Variants in STXBP5L observed in about 807,000 individuals in gnomAD.
STXBP5L encodes the protein syntaxin-binding protein 5-like.
A neutral mutation model predicts 144.5 loss-of-function variants in STXBP5L; 65 were observed. That is an observed-to-expected ratio of 0.45 (90% CI 0.37 to 0.55). The LOEUF (loss-of-function observed/expected upper bound fraction) is 0.55, where lower values mean the gene tolerates loss of function less well. Ranked by LOEUF, STXBP5L falls within the 20% of genes least tolerant of loss-of-function variation. The pLI, the probability that STXBP5L is intolerant of heterozygous loss-of-function variation, is 0.00. For missense variants in STXBP5L, 1,298 were observed against 1,405.5 expected, an observed-to-expected ratio of 0.92 and a Z score of 1.22; for synonymous variants, 505 against 469.6, an observed-to-expected ratio of 1.08 and a Z score of -0.97.
chr3:121,048,650 T>C (rs1021418948), intron 5 of STXBP5L, among the ~76,000 whole-genome samples: 5 of 152,138 alleles, frequency 3.3e-5, no homozygotes, highest in Non-Finnish European at 5.9e-5. Flanking sequence ...TATGAAATTC[T>C]TGTAGTGTGT....
At chr3:121,114,159 G>A (rs2044132943) in intron 5 of STXBP5L, among the ~76,000 whole-genome samples, 2 of 152,054 alleles carry the variant, frequency 1.3e-5, no homozygotes. Flanking sequence ...TGTGAATAGA[G>A]GACTCTGGTA....
At chr3:121,211,671 G>C (rs975276729) in intron 10 of STXBP5L, among the ~76,000 whole-genome samples, 6 of 140,944 alleles carry the variant, frequency 4.3e-5, no homozygotes, top group Non-Finnish European at 9.0e-5. Context: ...CTCTGCCTCC[G>C]GGGTTCAAGC....
At chr3:121,005,680 T>C (rs1277706539) in intron 3 of STXBP5L, among the ~76,000 whole-genome samples, 1 of 152,238 alleles carries the variant, frequency 6.6e-6, no homozygotes. Flanking sequence ...CTTTCTCTTG[T>C]GGGCGTTTAG....
chr3:121,255,183 C>A, intron 16 of STXBP5L, 71 bp downstream of exon 16: 1 of 1,198,494 alleles, frequency 8.3e-7, no homozygotes, highest in Non-Finnish European at 1.1e-6. Context: ...GATTTGACTA[C>A]TACTTGGTAT....
chr3:121,059,637 C>G (rs2041160978), intron 5 of STXBP5L, among the ~76,000 whole-genome samples: 1 of 152,092 alleles, frequency 6.6e-6, no homozygotes, highest in Non-Finnish European at 1.5e-5. Flanking sequence ...TGTTTGTGTC[C>G]TCTCTTATTT....
chr3:121,389,667 T>G (rs2046525379), intron 22 of STXBP5L, among the ~76,000 whole-genome samples: 1 of 152,212 alleles, frequency 6.6e-6, no homozygotes, highest in African/African-American at 2.4e-5. Context: ...AGGAGCAAGT[T>G]GTTCAGTTTC....
At chr3:121,051,684 A>G (rs1267186991) in intron 5 of STXBP5L, among the ~76,000 whole-genome samples, 1 of 152,202 alleles carries the variant, frequency 6.6e-6, no homozygotes, top group Non-Finnish European at 1.5e-5. Context: ...GAACTAGAGA[A>G]GCAAGAGGAA....
chr3:121,117,191 A>T (rs1167704384), intron 6 of STXBP5L, among the ~76,000 whole-genome samples: 1 of 150,356 alleles, frequency 6.7e-6, no homozygotes, highest in Non-Finnish European at 1.5e-5. Flanking sequence ...GGAGAAATTA[A>T]AGAGCTAAAA....
At chr3:121,285,625 G>A (rs2051206019) in intron 19 of STXBP5L, among the ~76,000 whole-genome samples, 1 of 152,020 alleles carries the variant, frequency 6.6e-6, no homozygotes, top group African/African-American at 2.4e-5. Flanking sequence ...AAACTTTCGT[G>A]TTCTACAGAT....
chr3:121,004,896 G>T (rs1944136332), intron 3 of STXBP5L, among the ~76,000 whole-genome samples: 1 of 152,180 alleles, frequency 6.6e-6, no homozygotes, highest in African/African-American at 2.4e-5. Context: ...TCCCAGGGAT[G>T]AAGCCCACTT....
intron 2 of STXBP5L, among the ~76,000 whole-genome samples, chr3:120,951,054 A>G (rs1401131787): frequency 6.6e-6 from 1 of 152,180 alleles, no homozygotes; most frequent in Non-Finnish European, 1.5e-5. Context: ...CAATGGGGAA[A>G]GGATTCCCTA....
chr3:121,410,980 A>G (rs930709247), intron 23 of STXBP5L, among the ~76,000 whole-genome samples: 7 of 152,036 alleles, frequency 4.6e-5, no homozygotes, highest in African/African-American at 1.7e-4. Flanking sequence ...CCTCTTCCTC[A>G]ACTCCACCCT....
chr3:121,044,787 A>T (rs1056617666), intron 4 of STXBP5L, among the ~76,000 whole-genome samples: 12 of 152,182 alleles, frequency 7.9e-5, no homozygotes, highest in African/African-American at 2.7e-4. Context: ...ATCCTATTGT[A>T]TGCGAAATAG....
chr3:121,093,745 G>A (rs1428728612), intron 5 of STXBP5L, among the ~76,000 whole-genome samples: 4 of 151,954 alleles, frequency 2.6e-5, no homozygotes, highest in African/African-American at 4.8e-5. Context: ...ATTAATTTTT[G>A]AAGGGTTTTT....
intron 2 of STXBP5L, among the ~76,000 whole-genome samples, chr3:120,931,501 C>A (rs148886750): frequency 5.3e-5 from 8 of 151,222 alleles, no homozygotes; most frequent in Non-Finnish European, 1.2e-4. Flanking sequence ...AAAGAGAAAA[C>A]CATGACCCAG....
Position 121,329,803 on chromosome 3 carries a change from T to C in STXBP5L, c.2176+11263T>C, listed in dbSNP as rs1458897460. ...TGAACCCAGGAGGAGGAGGATGCAG[T>C]GAGCCGATATTGCACCACTGCACTC... On this transcript the variant is annotated intron_variant, in intron 20 of 26. Coordinates refer to ENST00000471454, the MANE Select transcript of STXBP5L (RefSeq NM_001308330.2). Among the ~76,000 whole-genome samples, 5 of 152,200 alleles carry C rather than the reference T, an allele frequency of 3.3e-5. No individual in the cohort carries two copies. The East Asian group carries it at 7.7e-4, about 24-fold the overall frequency.
intron 11 of STXBP5L, among the ~76,000 whole-genome samples, chr3:121,224,366 A>G (rs1387340025): frequency 6.6e-6 from 1 of 152,152 alleles, no homozygotes; most frequent in Non-Finnish European, 1.5e-5. Context: ...ATAATAATCA[A>G]TGTAGCACTT....
chr3:121,037,629 G>A (rs1234429666), intron 3 of STXBP5L, among the ~76,000 whole-genome samples: 19 of 152,002 alleles, frequency 1.2e-4, no homozygotes, highest in Non-Finnish European at 2.9e-5. Context: ...CTTGTTTTAT[G>A]ATATAGTTTG....
chr3:121,065,809 G>C (rs953423554), intron 5 of STXBP5L, among the ~76,000 whole-genome samples: 2 of 152,128 alleles, frequency 1.3e-5, no homozygotes, highest in Non-Finnish European at 2.9e-5. Flanking sequence ...GCGATTTTCT[G>C]AGGTTTGACT....
Sources: allele counts gnomAD v4.1 joint callset (sites outside exome capture counted in the v4.1 genomes callset), GRCh38; gene constraint gnomAD v4.1.1; transcripts MANE v1.5; gene names NCBI Gene and HGNC (gene_info 2026-07-23, HGNC 2026-07-21).